The following MMP16 variants were observed in gnomAD, a reference collection of about 807,000 sequenced individuals.
MMP16 encodes matrix metallopeptidase 16, also known as matrix metalloproteinase-16.
In MMP16, 12 loss-of-function variants were observed where a neutral mutation model predicts 67.8. The observed-to-expected ratio is 0.18, with a 90% CI of 0.11 to 0.29. The LOEUF (loss-of-function observed/expected upper bound fraction) is 0.29, where lower values mean the gene tolerates loss of function less well. Among genes scored for constraint, MMP16 ranks in the 10% least tolerant of loss-of-function variants. The pLI is 1.00. For missense variants in MMP16, 475 were observed against 765.7 expected, an observed-to-expected ratio of 0.62 and a Z score of 4.48; for synonymous variants, 249 against 255.9, an observed-to-expected ratio of 0.97 and a Z score of 0.26.
At chr8:88,111,568 G>C (rs1235538272) in intron 6 of MMP16, among the ~76,000 whole-genome samples, 4 of 151,644 alleles carry the variant, frequency 2.6e-5, no homozygotes, top group Admixed American at 2.0e-4. Flanking sequence ...GGGGAAATGG[G>C]CCGATCATGT....
chr8:88,093,166 T>C (rs1368701090), intron 6 of MMP16, among the ~76,000 whole-genome samples: 1 of 151,818 alleles, frequency 6.6e-6, no homozygotes, highest in Non-Finnish European at 1.5e-5. Context: ...CATGTAACAA[T>C]GTACAATATC....
chr8:88,141,757 A>C (rs1160646578), intron 4 of MMP16, among the ~76,000 whole-genome samples: 1 of 152,144 alleles, frequency 6.6e-6, no homozygotes, highest in Non-Finnish European at 1.5e-5. Flanking sequence ...TCCCTCTTAC[A>C]TATTACTGGT....
intron 4 of MMP16, among the ~76,000 whole-genome samples, chr8:88,133,700 A>C (rs1429007185): frequency 6.6e-6 from 1 of 151,860 alleles, no homozygotes; most frequent in Admixed American, 6.6e-5. Context: ...ATAATGATGC[A>C]GAATTAAATA....
intron 4 of MMP16, among the ~76,000 whole-genome samples, chr8:88,150,747 G>C (rs1403970417): frequency 1.0e-4 from 15 of 149,762 alleles, no homozygotes; most frequent in Admixed American, 3.3e-4. Flanking sequence ...GGTACCAGCC[G>C]CTGCAAAATC....
rs758117384 is a variant in MMP16, at chr8:88,167,964, G to A, written c.414C>T (p.Asn138=). The A allele has an allele frequency of 1.6e-5, 25 of 1,607,472 alleles. No homozygotes were observed. The highest frequency in any genetic ancestry group is 6.8e-5 in the Admixed American group (4 of 59,062). ...QHKHITYSIK[N]VTPKVGDPET... Reference sequence around the variant, plus strand: ...CAGGGTCTCCTACTTTTGGAGTTACGTTCTTTATACTGAAAGTTAGAAAAT... The same window carrying A: ...CAGGGTCTCCTACTTTTGGAGTTACATTCTTTATACTGAAAGTTAGAAAAT... Residue 138 remains asparagine (N), a synonymous_variant, in exon 4 of 10, where the codon AAC becomes AAT. Transcript: ENST00000286614.
chr8:88,254,955 T>A (rs967352445), intron 1 of MMP16, among the ~76,000 whole-genome samples: 5 of 152,212 alleles, frequency 3.3e-5, no homozygotes, highest in Non-Finnish European at 7.3e-5. Context: ...AAGAACTATC[T>A]GTATGTATTA....
At chr8:88,042,859 A>C (rs1808150702) in intron 9 of MMP16, among the ~76,000 whole-genome samples, 1 of 152,186 alleles carries the variant, frequency 6.6e-6, no homozygotes, top group Non-Finnish European at 1.5e-5. Flanking sequence ...TCCACAGCTC[A>C]TTCATGTCAA....
At chr8:88,277,860 C>T (rs1810672695) in intron 1 of MMP16, among the ~76,000 whole-genome samples, 1 of 152,288 alleles carries the variant, frequency 6.6e-6, no homozygotes, top group South Asian at 2.1e-4. Context: ...CTAAATAAGA[C>T]AGGTCTGCCC....
chr8:88,281,559 C>T (rs996404760), intron 1 of MMP16, among the ~76,000 whole-genome samples: 2 of 152,206 alleles, frequency 1.3e-5, no homozygotes, highest in Admixed American at 1.3e-4. Flanking sequence ...CCTAATGACC[C>T]TCTGGCCAGT....
At chr8:88,185,242 TG>T (rs984357240) in intron 3 of MMP16, among the ~76,000 whole-genome samples, 17 of 152,070 alleles carry the variant, frequency 1.1e-4, no homozygotes, top group African/African-American at 4.1e-4. Context: ...GCAGATCACT[TG>T]AGGTCAGGAC....
At position 88,033,297 on chromosome 8, in the gene MMP16, T is replaced by TAC. The variant is rs1363446375; in HGVS notation, c.*8163_*8164insGT. 6.7e-6 allele frequency: 1 copy of TAC among 149,388 alleles called. No individual in the cohort carries two copies. The highest frequency in any genetic ancestry group is 2.4e-5 in the African/African-American group (1 of 40,930). 9.3% of individuals were successfully genotyped at this position (149,388 alleles called of 1,614,324 possible). A position where few individuals can be genotyped will look rare whatever the true frequency, so the allele number is the denominator to read the frequency against. Reference sequence around the variant, plus strand: ...TTCTCCTTAATCTATCTAGTAAATATATATATATATATGTATCATATATAC... The same window carrying TAC: ...TTCTCCTTAATCTATCTAGTAAATATACATATATATATATGTATCATATATAC... On this transcript the variant is annotated 3_prime_UTR_variant, in exon 10 of 10. Transcript: ENST00000286614.
rs1253539720 is a variant in MMP16 at position 88,275,351 on chromosome 8, T to C, written c.132+51724A>G. On this transcript the variant is annotated intron_variant, in intron 1 of 9. Transcript: ENST00000286614. Reference sequence around the variant, plus strand: ...ATTGTGGAATAAGCATAAACAGTTATATAATGCCTTTCCTTAACATCTTTT... The same window carrying C: ...ATTGTGGAATAAGCATAAACAGTTACATAATGCCTTTCCTTAACATCTTTT... Among the ~76,000 whole-genome samples, 5 of 152,008 alleles carry C rather than the reference T, an allele frequency of 3.3e-5. No individual in the cohort carries two copies. In the South Asian group the frequency reaches 8.3e-4, roughly 25 times the overall value.
chr8:88,168,215 T>C (rs559827758), intron 3 of MMP16, among the ~76,000 whole-genome samples: 1 of 152,256 alleles, frequency 6.6e-6, no homozygotes, highest in African/African-American at 2.4e-5. Flanking sequence ...TGGTTAACAG[T>C]AGGGCAATTG....
intron 1 of MMP16, among the ~76,000 whole-genome samples, chr8:88,265,354 G>A (rs1157005201): frequency 6.8e-6 from 1 of 147,908 alleles, no homozygotes; most frequent in Non-Finnish European, 1.5e-5. Flanking sequence ...TTTTCTTTAA[G>A]TGTCTCAAGC....
intron 9 of MMP16, among the ~76,000 whole-genome samples, chr8:88,045,449 C>T (rs950223617): frequency 6.6e-6 from 1 of 152,124 alleles, no homozygotes; most frequent in Non-Finnish European, 1.5e-5. Flanking sequence ...CAGCTCACTG[C>T]AACCTCCTTC....
At chr8:88,183,081 GA>G (rs1253693478) in intron 3 of MMP16, among the ~76,000 whole-genome samples, 1 of 151,954 alleles carries the variant, frequency 6.6e-6, no homozygotes, top group Non-Finnish European at 1.5e-5. Context: ...ATAAATAGGT[GA>G]AACACTGAAT....
At chr8:88,149,409 G>C (rs1808359517) in intron 4 of MMP16, among the ~76,000 whole-genome samples, 2 of 152,116 alleles carry the variant, frequency 1.3e-5, no homozygotes, top group South Asian at 4.1e-4. Flanking sequence ...CTGGGGGCAG[G>C]GCACAGACAA....
intron 8 of MMP16, 54 bp from the exon 9 acceptor site, chr8:88,046,838 G>T: frequency 1.8e-6 from 2 of 1,131,618 alleles, no homozygotes; most frequent in East Asian, 2.5e-5. Context: ...TATAGGGAAA[G>T]ATTATGCATA....
chr8:88,146,738 A>G (rs1808296247), intron 4 of MMP16, among the ~76,000 whole-genome samples: 1 of 151,934 alleles, frequency 6.6e-6, no homozygotes, highest in South Asian at 2.1e-4. Context: ...TCTGGTATAT[A>G]TGTACTAACG....
Sources: allele counts gnomAD v4.1 joint callset (sites outside exome capture counted in the v4.1 genomes callset), GRCh38; gene constraint gnomAD v4.1.1; transcripts MANE v1.5; gene names NCBI Gene and HGNC (gene_info 2026-07-23, HGNC 2026-07-21).